ACOT11: variants seen among roughly 807,000 people sequenced by gnomAD.
ACOT11 encodes the protein acyl-CoA thioesterase 11, also known as acyl-coenzyme A thioesterase 11.
Under a neutral mutation model 77.5 loss-of-function variants are expected in ACOT11, and 69 were observed. That is an observed-to-expected ratio of 0.89 (90% CI 0.73 to 1.09). ACOT11 has a LOEUF of 1.09. ACOT11 is among the 50% of genes least tolerant of loss of function. ACOT11 has a pLI of 0.00. For missense variants in ACOT11, 766 were observed against 813.7 expected (o/e 0.94, Z 0.71); for synonymous variants, 279 against 313.0 (o/e 0.89, Z 1.15).
At chr1:54,587,598 A>G (rs1363988195) in intron 3 of ACOT11, among the ~76,000 whole-genome samples, 1 of 107,230 alleles carries the variant, frequency 9.3e-6, no homozygotes, top group African/African-American at 3.7e-5. Flanking sequence ...TTGCTCTGTC[A>G]CCCAGGCTGG....
intron 1 of ACOT11, among the ~76,000 whole-genome samples, chr1:54,553,196 A>G (rs1653133317): frequency 6.6e-6 from 1 of 152,076 alleles, no homozygotes; most frequent in African/African-American, 2.4e-5. Flanking sequence ...GCATAGCATA[A>G]GGGAATGATT....
chr1:54,580,428 C>T (rs1375645634), intron 1 of ACOT11, among the ~76,000 whole-genome samples: 1 of 152,208 alleles, frequency 6.6e-6, no homozygotes, highest in Non-Finnish European at 1.5e-5. Context: ...CCCCAAGCCC[C>T]TCTTCCTCTG....
At chr1:54,611,756 G>A (rs1046285494), downstream of ACOT11, 5 of 1,613,832 alleles carry the variant, frequency 3.1e-6, no homozygotes, top group Non-Finnish European at 4.2e-6. Flanking sequence ...CTGGGGACAC[G>A]AGAGCTGGCT....
Position 54,607,797 on chromosome 1 carries a change from G to A in ACOT11, c.1503-145G>A. The A allele has an allele frequency of 8.9e-7, 1 of 1,128,996 alleles. No homozygotes were observed. The highest frequency in any genetic ancestry group is 1.3e-6 in the Non-Finnish European group (1 of 794,834). 69.9% of individuals were successfully genotyped at this position (1,128,996 alleles called of 1,614,324 possible). The stretch of plus-strand genomic sequence containing the variant: ...AGCCTGGCCCTGAGCCCCGCATTGG[G>A]GCTTTAAGAGTCGATGTGCCTTGCA... On this transcript the variant is annotated intron_variant, in intron 14 of 15. Transcript: ENST00000343744. The surrounding 1 kb of genome is among the most constrained non-coding windows in gnomAD (Gnocchi z 4.5).
At chr1:54,616,415 G>A (rs1644174741) in intron 15 of ACOT11, among the ~76,000 whole-genome samples, 2 of 151,812 alleles carry the variant, frequency 1.3e-5, no homozygotes, top group South Asian at 4.1e-4. Context: ...CCAGGCTGGA[G>A]TGCAGTGGTG....
At chr1:54,615,008 C>G, downstream of ACOT11, 1 of 758,608 alleles carries the variant, frequency 1.3e-6, no homozygotes, top group Non-Finnish European at 2.1e-6. Context: ...CACCACATCC[C>G]TGCAGGGTGT....
chr1:54,636,732 TG>T lies in ACOT11; in HGVS notation c.*2007del. Reference sequence around the variant, plus strand: ...CGAGGCCATATTTCAGACTATCACATGGGGAGAAACCTTGGACAATACCTGG... The same window carrying T: ...CGAGGCCATATTTCAGACTATCACATGGGAGAAACCTTGGACAATACCTGG... On this transcript the variant is annotated 3_prime_UTR_variant, in exon 17 of 17. Transcript: ENST00000371316. The T allele has an allele frequency of 2.6e-5, 4 of 152,804 alleles. No individual in the cohort carries two copies. In the South Asian group the frequency reaches 8.3e-4, roughly 32 times the overall value. 9.5% of individuals were successfully genotyped at this position (152,804 alleles called of 1,614,324 possible).
At chr1:54,613,824 A>T (rs771800756), downstream of ACOT11, among the ~76,000 whole-genome samples, 5 of 152,214 alleles carry the variant, frequency 3.3e-5, no homozygotes, top group Admixed American at 2.6e-4. Flanking sequence ...GAGAAGCACA[A>T]TAATAAATTG....
At chr1:54,634,124 C>T (rs61613434) in intron 16 of ACOT11, among the ~76,000 whole-genome samples, 126 of 152,334 alleles carry the variant, frequency 8.3e-4, no homozygotes, top group African/African-American at 2.7e-3. Flanking sequence ...TACTGTCCCT[C>T]TCACAAAGGC....
Position 54,629,831 on chromosome 1 carries a change from T to C in ACOT11, c.1630-903T>C, listed in dbSNP as rs537802595. On this transcript the variant is annotated intron_variant, in intron 15 of 16. Transcript: ENST00000371316. ...CATGGACTCAATCCATCCTCCTACC[T>C]AGGCTTCCCCAAATGCTGGAATTAA... Among the ~76,000 whole-genome samples the C allele has an allele frequency of 9.7e-5, 13 of 134,446 alleles. 2 individuals carry two copies. In the South Asian group the frequency reaches 3.0e-3, roughly 31 times the overall value. The allele number at this position is 134,446 out of a possible 152,430, so 88.2% of individuals were successfully genotyped here.
At chr1:54,563,126 G>C (rs1421320384) in intron 1 of ACOT11, among the ~76,000 whole-genome samples, 2 of 152,164 alleles carry the variant, frequency 1.3e-5, no homozygotes, top group Non-Finnish European at 2.9e-5. Context: ...GGCGGCGCTC[G>C]CTGGCGCGGC....
exon 17 of ACOT11, chr1:54,634,856 C>G: frequency 1.7e-6 from 1 of 599,628 alleles, no homozygotes; most frequent in East Asian, 2.9e-5. Flanking sequence ...CCGTCGAACA[C>G]AGCCACCCCG....
intron 15 of ACOT11, among the ~76,000 whole-genome samples, chr1:54,617,549 A>C (rs191623879): frequency 6.6e-6 from 1 of 151,580 alleles, no homozygotes; most frequent in East Asian, 1.9e-4. Context: ...TGGTCTGTAC[A>C]ATCAGGGCCT....
downstream of ACOT11, chr1:54,612,366 T>G: frequency 4.4e-6 from 3 of 688,648 alleles, no homozygotes; most frequent in Non-Finnish European, 7.5e-6. Flanking sequence ...GCAGAGGGCA[T>G]GAGCACTGGC....
intron 12 of ACOT11, 47 bp downstream of exon 12, chr1:54,604,476 G>A: frequency 6.4e-7 from 1 of 1,551,538 alleles, no homozygotes; most frequent in Non-Finnish European, 8.9e-7. Context: ...CTGAGCCAGA[G>A]GTGGCTAATG....
At chr1:54,597,761 A>C in intron 7 of ACOT11, 1 of 242,752 alleles carries the variant, frequency 4.1e-6, no homozygotes, top group African/African-American at 2.3e-5. Context: ...CTCTGTTCCC[A>C]TCCTCCACTT....
chr1:54,600,437 C>T (rs1643947859), intron 8 of ACOT11, among the ~76,000 whole-genome samples: 1 of 152,188 alleles, frequency 6.6e-6, no homozygotes, highest in Admixed American at 6.5e-5. Flanking sequence ...AATCCCAGCA[C>T]TTTGGGAGGC....
rs976704164 is a variant in ACOT11, at chr1:54,607,353, C to T, written c.1502+88C>T. The stretch of plus-strand genomic sequence containing the variant: ...CTCCCTCCCAGGGAAGGGCATCAGC[C>T]TGGAGCCAGAGCTCTGCTTCCCATT... On this transcript the variant is annotated intron_variant, in intron 14 of 15. Coordinates refer to ENST00000343744, the MANE Select transcript of ACOT11 (RefSeq NM_147161.4). This position sits in a 1 kb window ranked among gnomAD's most constrained non-coding sequence, Gnocchi z 4.5. The T allele has an allele frequency of 1.9e-6, 3 of 1,576,744 alleles. No homozygotes were observed. The highest frequency in any genetic ancestry group is 1.3e-5 in the African/African-American group (1 of 74,358).
At chr1:54,600,775 A>C (rs1643951510) in intron 8 of ACOT11, among the ~76,000 whole-genome samples, 1 of 152,224 alleles carries the variant, frequency 6.6e-6, no homozygotes, top group Admixed American at 6.5e-5. Context: ...AGCACTTGTA[A>C]ATATGCACAT....
Sources: allele counts gnomAD v4.1 joint callset (sites outside exome capture counted in the v4.1 genomes callset), GRCh38; gene constraint gnomAD v4.1.1; non-coding constraint Gnocchi (gnomAD v3.1); transcripts MANE v1.5; gene names NCBI Gene and HGNC (gene_info 2026-07-23, HGNC 2026-07-21).